The following SERPINB3 variants were observed in gnomAD, a reference collection of about 807,000 sequenced individuals.
The protein encoded by SERPINB3 is serpin family B member 3.
Under a neutral mutation model 33.0 loss-of-function variants are expected in SERPINB3, and 33 were observed. That is an observed-to-expected ratio of 1.00 (90% CI 0.76 to 1.34). The LOEUF (loss-of-function observed/expected upper bound fraction) is 1.34. SERPINB3 is among the 40% of genes most tolerant of loss of function. The pLI, the probability that SERPINB3 is intolerant of heterozygous loss-of-function variation, is 0.00. For missense variants in SERPINB3, 518 were observed against 461.5 expected (o/e 1.12, Z -1.12); for synonymous variants, 200 against 170.9 (o/e 1.17, Z -1.33).
chr18:63,660,882 G>C (rs2144497962), intron 2 of SERPINB3, 26 bp from the exon 3 acceptor site: 1 of 1,613,148 alleles, frequency 6.2e-7, no homozygotes, highest in African/African-American at 1.3e-5. Flanking sequence ...AGCGGGACAA[G>C]AAAACTTTAC....
Position 63,659,227 on chromosome 18 carries a change from G to A in SERPINB3, c.351+172C>T, listed in dbSNP as rs905093074. Reference sequence around the variant, plus strand: ...CCACACTTCAGTGATGTATTGTTAGGGTCTGGGACACTCCAGTGGGGGAGA... The same window carrying A: ...CCACACTTCAGTGATGTATTGTTAGAGTCTGGGACACTCCAGTGGGGGAGA... On this transcript the variant is annotated intron_variant, in intron 4 of 7. Transcript: ENST00000283752. 11 of 687,658 alleles carry A rather than the reference G, an allele frequency of 1.6e-5. No individual in the cohort carries two copies. The African/African-American group carries it at 1.6e-4, about 10-fold the overall frequency. 42.6% of individuals were successfully genotyped at this position (687,658 alleles called of 1,614,324 possible).
chr18:63,655,450 A>G lies in SERPINB3; in HGVS notation c.*207T>C, dbSNP rs370132210. On this transcript the variant is annotated 3_prime_UTR_variant, in exon 8 of 8. Transcript: ENST00000283752. Reference sequence around the variant, plus strand: ...TTTTCCTCAAGGAGAATTTTTCTGGAAGAAAAAGTACATTTATATGTGGGC... The same window carrying G: ...TTTTCCTCAAGGAGAATTTTTCTGGGAGAAAAAGTACATTTATATGTGGGC... 1.3e-5 allele frequency: 7 copies of G among 527,030 alleles called. No homozygotes were observed. The East Asian group carries it at 1.5e-4, about 11-fold the overall frequency. 32.6% of individuals were successfully genotyped at this position (527,030 alleles called of 1,614,324 possible).
In SERPINB3 at chr18:63,659,448, A is replaced by G; in HGVS notation, c.302T>C (p.Leu101Pro). The G allele has an allele frequency of 6.2e-7, 1 of 1,613,682 alleles. No homozygotes were observed. Among genetic ancestry groups the G allele is most frequent in the Non-Finnish European group, 8.5e-7 (1 of 1,179,700 alleles). Residue 101 changes from leucine (L) to proline (P), a missense_variant, in exon 4 of 8, where the codon CTG becomes CCG. Leu to Pro is a moderately conservative substitution (Grantham distance 98). Coordinates refer to ENST00000283752, the MANE Select transcript of SERPINB3 (RefSeq NM_006919.3). ...EFNKSTDAYELKIANKLFGEK... is the reference protein window; with the variant it reads ...EFNKSTDAYEPKIANKLFGEK... ...TCCGAAGAGCTTGTTGGCGATCTTC[A>G]GCTCATATGCATCAGTGGATTTGTT...
Position 63,655,683 on chromosome 18 carries a change from A to G in SERPINB3, c.1147T>C (p.Phe383Leu), listed in dbSNP as rs1913472389. The G allele has an allele frequency of 6.2e-7, 1 of 1,612,638 alleles. No individual in the cohort carries two copies. Among genetic ancestry groups the G allele is most frequent in the Admixed American group, 1.7e-5 (1 of 59,974 alleles). ...IRQNKTNSIL[F>L]YGRFSSP ...TACGGGGATGAGAATCTGCCATAGAAGAGGATGCTGTTGGTCTTATTTTGC... is the reference window on the plus strand; with the variant it reads ...TACGGGGATGAGAATCTGCCATAGAGGAGGATGCTGTTGGTCTTATTTTGC... The change falls in exon 8 of 8, where the codon TTC becomes CTC. Residue 383 changes from phenylalanine to leucine, a missense_variant. By Grantham distance (22) the Phe-to-Leu change is conservative. Coordinates refer to ENST00000283752, the MANE Select transcript of SERPINB3 (RefSeq NM_006919.3).
intron 5 of SERPINB3, 136 bp downstream of exon 5, chr18:63,658,377 T>G: frequency 1.5e-6 from 1 of 670,974 alleles, no homozygotes; most frequent in Non-Finnish European, 2.6e-6. Flanking sequence ...GAAAAACTCT[T>G]CATCTGGAGT....
intron 3 of SERPINB3, 88 bp from the exon 4 acceptor site, chr18:63,659,615 G>T (rs1044911134): frequency 2.1e-5 from 33 of 1,536,640 alleles, no homozygotes; most frequent in South Asian, 7.0e-5. Context: ...AGTCCCTAAT[G>T]GCTGGTAGTC....
intron 3 of SERPINB3, 83 bp downstream of exon 3, chr18:63,660,717 T>C (rs750445608): frequency 9.7e-5 from 154 of 1,588,088 alleles, no homozygotes; most frequent in Non-Finnish European, 1.3e-4. Flanking sequence ...AAAATGGCCT[T>C]TTCTTAGTTT....
chr18:63,661,264 G>A, intron 1 of SERPINB3, 22 bp from the exon 2 acceptor site: 1 of 1,582,098 alleles, frequency 6.3e-7, no homozygotes, highest in South Asian at 1.2e-5. Flanking sequence ...TCAGATTCCT[G>A]TCAGAATGAC....
In SERPINB3 at chr18:63,656,835, T is replaced by G. The variant is rs1205324573; in HGVS notation, c.764A>C (p.Gln255Pro). The change falls in exon 7 of 8, where the codon CAG (glutamine) becomes CCG (proline). Residue 255 changes from glutamine to proline, a missense_variant. Physicochemically the swap from Gln to Pro is moderately conservative, Grantham distance 76. Transcript: ENST00000283752. ...GTTGTAGATGCAAGTTCTTACCTTC[T>G]GGAGACCATCGATTTCATTTGGCAG... ...VLLPNEIDGL[Q>P]KLEEKLTAEK... is the part of the protein sequence containing the mutation. The G allele has an allele frequency of 6.2e-7, 1 of 1,609,394 alleles. No individual in the cohort carries two copies. The highest frequency in any genetic ancestry group is 1.1e-5 in the South Asian group (1 of 90,394).
At chr18:63,659,588 G>A (rs1913588913) in intron 3 of SERPINB3, 61 bp from the exon 4 acceptor site, 1 of 1,608,872 alleles carries the variant, frequency 6.2e-7, no homozygotes, top group Non-Finnish European at 8.5e-7. Flanking sequence ...CTAAACCCAT[G>A]CTAAGTCTGT....
rs1913515575 is a variant in SERPINB3 at position 63,657,002 on chromosome 18, G to A, written c.613-16C>T. On this transcript the variant is annotated splice_polypyrimidine_tract_variant and intron_variant, in intron 6 of 7. Transcript: ENST00000283752. ...TGTATGTATTCTACAATAAATCAAT[G>A]TGTCCAACAAATACCAAGTGAGACA... 3 of 1,589,448 alleles carry A rather than the reference G, an allele frequency of 1.9e-6. No homozygotes were observed. Among genetic ancestry groups the A allele is most frequent in the African/African-American group, 2.7e-5 (2 of 74,578 alleles).
intron 7 of SERPINB3, 24 bp downstream of exon 7, chr18:63,656,807 A>T (rs1363610421): frequency 6.4e-7 from 1 of 1,562,010 alleles, no homozygotes; most frequent in East Asian, 2.3e-5. Flanking sequence ...AGTAGAAGGA[A>T]GAGTTGTAGA....
intron 3 of SERPINB3, 170 bp downstream of exon 3, chr18:63,660,630 G>T (rs754678205): frequency 5.3e-5 from 40 of 758,052 alleles, no homozygotes; most frequent in Admixed American, 3.1e-4. Flanking sequence ...AACGAAGAAA[G>T]GAGGAATAAT....
chr18:63,655,784 A>G lies in SERPINB3; in HGVS notation c.1046T>C (p.Val349Ala), dbSNP rs1353255074. Residue 349 changes from valine (V) to alanine (A), a missense_variant, in exon 8 of 8, where the codon GTA (valine) becomes GCA (alanine). Physicochemically the swap from Val to Ala is moderately conservative, Grantham distance 64. Coordinates refer to ENST00000283752, the MANE Select transcript of SERPINB3 (RefSeq NM_006919.3). ...AGTAGGTGATGATCCGAATCCTACT[A>G]CAGCGGTGGCAGCTGCAGCTTCTGC... ...EGAEAAAATA[V>A]VGFGSSPTST... The G allele has an allele frequency of 1.9e-6, 3 of 1,613,924 alleles. No homozygotes were observed. The highest frequency in any genetic ancestry group is 2.5e-6 in the Non-Finnish European group (3 of 1,179,960).
chr18:63,661,888 G>T lies in SERPINB3; in HGVS notation c.-69C>A, dbSNP rs1478823924. The T allele has an allele frequency of 2.6e-5, 4 of 152,554 alleles. No homozygotes were observed. The highest frequency in any genetic ancestry group is 2.0e-4 in the Admixed American group (3 of 15,262). The allele number at this position is 152,554 out of a possible 1,614,324, so 9.5% of individuals were successfully genotyped here. A position where few individuals can be genotyped will look rare whatever the true frequency, so the allele number is the denominator to read the frequency against. On this transcript the variant is annotated 5_prime_UTR_variant, in exon 1 of 8. Coordinates refer to ENST00000283752, the MANE Select transcript of SERPINB3 (RefSeq NM_006919.3). The stretch of plus-strand genomic sequence containing the variant: ...GCAGAGGTGGGCAGAGAGGCTATGT[G>T]TGTCTGTGGAATGAAGGGTGAGATC...
chr18:63,655,624 C>A lies in SERPINB3; in HGVS notation c.*33G>T. On this transcript the variant is annotated 3_prime_UTR_variant, in exon 8 of 8. Coordinates refer to ENST00000283752, the MANE Select transcript of SERPINB3 (RefSeq NM_006919.3). Reference sequence around the variant, plus strand: ...GTTTACCAGAACATCTGCAGGTGAACATTTTCCAAATGGAGTGACAGACTA... The same window carrying A: ...GTTTACCAGAACATCTGCAGGTGAAAATTTTCCAAATGGAGTGACAGACTA... The A allele has an allele frequency of 6.4e-7, 1 of 1,561,350 alleles. No individual in the cohort carries two copies. Among genetic ancestry groups the A allele is most frequent in the Non-Finnish European group, 8.7e-7 (1 of 1,150,084 alleles).
At position 63,655,548 on chromosome 18, in the gene SERPINB3, T is replaced by G. The variant is rs1383813326; in HGVS notation, c.*109A>C. 9.7e-5 allele frequency: 115 copies of G among 1,184,942 alleles called. No homozygotes were observed. Among genetic ancestry groups the G allele is most frequent in the East Asian group, 5.0e-4 (21 of 42,108 alleles). 73.4% of individuals were successfully genotyped at this position (1,184,942 alleles called of 1,614,324 possible). On this transcript the variant is annotated 3_prime_UTR_variant, in exon 8 of 8. Coordinates refer to ENST00000283752, the MANE Select transcript of SERPINB3 (RefSeq NM_006919.3). Reference sequence around the variant, plus strand: ...TTGATGATGACGATCATCATCAAGATGAGAAAGAAAAGAAATATGAGCCAA... The same window carrying G: ...TTGATGATGACGATCATCATCAAGAGGAGAAAGAAAAGAAATATGAGCCAA...
At position 63,661,222 on chromosome 18, in the gene SERPINB3, A is replaced by G. The variant is rs759031235; in HGVS notation, c.-6T>C. ...GCTTCACTGAGTGAATTCATGGTGA[A>G]CTCGATGTGATCTGGAACTCCTGGA... On this transcript the variant is annotated 5_prime_UTR_variant, in exon 2 of 8. Transcript: ENST00000283752. 6.8e-6 allele frequency: 11 copies of G among 1,612,896 alleles called. No homozygotes were observed. Among genetic ancestry groups the G allele is most frequent in the East Asian group, 2.2e-5 (1 of 44,850 alleles).
chr18:63,655,922 C>G lies in SERPINB3; in HGVS notation c.908G>C (p.Gly303Ala). ...ATCCCCATTGAAGATATCCACCATT[C>G]CCATGGTTCTCAACGTGTCCTTGAG... ...YDLKDTLRTMGMVDIFNGDAD... is the reference protein window; with the variant it reads ...YDLKDTLRTMAMVDIFNGDAD... The change falls in exon 8 of 8, where the codon GGA becomes GCA. Residue 303 changes from glycine to alanine, a missense_variant. Transcript: ENST00000283752. 6.2e-7 allele frequency: 1 copy of G among 1,613,966 alleles called. No homozygotes were observed. Among genetic ancestry groups the G allele is most frequent in the East Asian group, 2.2e-5 (1 of 44,862 alleles).
Sources: gnomAD v4.1 joint callset for allele counts on GRCh38, gnomAD v4.1.1 for gene constraint, MANE v1.5 for transcripts, NCBI Gene and HGNC (gene_info 2026-07-23, HGNC 2026-07-21) for gene names.